STK32B: variants seen among roughly 807,000 people sequenced by gnomAD.
STK32B encodes serine/threonine-protein kinase 32B.
Under a neutral mutation model 52.6 loss-of-function variants are expected in STK32B, and 43 were observed. The observed-to-expected ratio is 0.82, with a 90% CI of 0.64 to 1.05. The LOEUF is 1.05. Among genes scored for constraint, STK32B ranks in the 50% least tolerant of loss-of-function variants. STK32B has a pLI of 0.00. For missense variants in STK32B, 621 were observed against 534.6 expected, an observed-to-expected ratio of 1.16 and a Z score of -1.59; for synonymous variants, 238 against 204.3, an observed-to-expected ratio of 1.17 and a Z score of -1.41.
chr4:5,438,161 C>G, intron 6 of STK32B: 1 of 982,458 alleles, frequency 1.0e-6, no homozygotes, highest in Non-Finnish European at 1.2e-6. Context: ...GTGGGCTGGC[C>G]CAGCATGAAG....
intron 3 of STK32B, among the ~76,000 whole-genome samples, chr4:5,205,634 G>T (rs141828319): frequency 0.025 from 3,769 of 152,222 alleles, 63 homozygotes; most frequent in Middle Eastern, 0.061. Context: ...GGGGTTGAAG[G>T]GGTAGCAGTG....
At chr4:5,333,487 C>G (rs1732414870) in intron 4 of STK32B, among the ~76,000 whole-genome samples, 1 of 152,112 alleles carries the variant, frequency 6.6e-6, no homozygotes, top group Non-Finnish European at 1.5e-5. Context: ...TTAATGAGAT[C>G]CCATTTGTCA....
chr4:5,297,763 C>T (rs1354281109), intron 3 of STK32B, among the ~76,000 whole-genome samples: 1 of 151,870 alleles, frequency 6.6e-6, no homozygotes, highest in Non-Finnish European at 1.5e-5. Context: ...TATTACCCAC[C>T]TTCTGAAGCC....
rs551458866 is a variant in STK32B at position 5,374,076 on chromosome 4, G to T, written c.435-24131G>T. Among the ~76,000 whole-genome samples the T allele has an allele frequency of 3.3e-5, 5 of 152,312 alleles. No homozygotes were observed. In the East Asian group the frequency reaches 9.7e-4, roughly 29 times the overall value. On this transcript the variant is annotated intron_variant, in intron 4 of 11. Transcript: ENST00000282908. ...GAAGAGGAAATGCAGAGGGGAGAAG[G>T]CCATGTGAAATGGAAGCAGGGAAGT...
At chr4:5,069,586 T>G (rs1315604331) in intron 1 of STK32B, among the ~76,000 whole-genome samples, 1 of 152,190 alleles carries the variant, frequency 6.6e-6, no homozygotes, top group African/African-American at 2.4e-5. Flanking sequence ...CCTAGCTGAG[T>G]GATCTGAATA....
At chr4:5,392,341 A>G (rs1162904108) in intron 4 of STK32B, among the ~76,000 whole-genome samples, 1 of 152,140 alleles carries the variant, frequency 6.6e-6, no homozygotes. Context: ...CATGAGAATC[A>G]CTGGAATTCA....
chr4:5,479,745 T>G (rs1718531560), intron 11 of STK32B, among the ~76,000 whole-genome samples: 1 of 152,200 alleles, frequency 6.6e-6, no homozygotes, highest in African/African-American at 2.4e-5. Flanking sequence ...TTTTTCTCTT[T>G]CAATATCCAC....
rs188156632 is a variant in STK32B at position 5,385,160 on chromosome 4, C to T, written c.435-13047C>T. Among the ~76,000 whole-genome samples the T allele has an allele frequency of 1.7e-3, 259 of 152,180 alleles. 1 individual carries two copies. The highest frequency in any genetic ancestry group is 6.0e-3 in the African/African-American group (248 of 41,526). On this transcript the variant is annotated intron_variant, in intron 4 of 11. Transcript: ENST00000282908. Reference sequence around the variant, plus strand: ...AGGAGCAAGGGTGAGGCTTTCCCTCCTGGCCAGAGCTAGAGGGAATGGGGG... The same window carrying T: ...AGGAGCAAGGGTGAGGCTTTCCCTCTTGGCCAGAGCTAGAGGGAATGGGGG...
intron 3 of STK32B, among the ~76,000 whole-genome samples, chr4:5,286,978 A>C (rs1387263581): frequency 3.3e-5 from 5 of 151,870 alleles, no homozygotes; most frequent in African/African-American, 1.2e-4. Flanking sequence ...TTGTATTTTT[A>C]GTAGAGACAG....
In STK32B at chr4:5,059,831, A is replaced by G. The variant is rs192581501; in HGVS notation, c.52+7916A>G. Among the ~76,000 whole-genome samples, 736 of 152,318 alleles carry G rather than the reference A, an allele frequency of 4.8e-3. 2 individuals carry two copies. Among genetic ancestry groups the G allele is most frequent in the African/African-American group, 0.016 (683 of 41,556 alleles). On this transcript the variant is annotated intron_variant, in intron 1 of 11. Coordinates refer to ENST00000282908, the MANE Select transcript of STK32B (RefSeq NM_018401.3). ...ACATTAGAAATAATAATAATACTCT[A>G]CAAACACTATCAGAGAATAGGAAGG...
intron 4 of STK32B, among the ~76,000 whole-genome samples, chr4:5,340,761 A>G (rs1733020547): frequency 2.0e-5 from 3 of 152,224 alleles, no homozygotes; most frequent in Admixed American, 2.0e-4. Flanking sequence ...ATACATATAC[A>G]TACATGTGTT....
intron 3 of STK32B, among the ~76,000 whole-genome samples, chr4:5,283,461 C>G (rs192806929): frequency 2.6e-5 from 4 of 151,926 alleles, no homozygotes; most frequent in Admixed American, 2.0e-4. Context: ...ATCTAAGGAA[C>G]GACAACAAAA....
rs146054525 is a variant in STK32B at position 5,366,731 on chromosome 4, G to T, written c.435-31476G>T. ...AGACATGGGTCAAAATCCTGACCTTGTCTTTGTTGAGCTTGATGCCAGATT... is the reference window on the plus strand; with the variant it reads ...AGACATGGGTCAAAATCCTGACCTTTTCTTTGTTGAGCTTGATGCCAGATT... On this transcript the variant is annotated intron_variant, in intron 4 of 11. Coordinates refer to ENST00000282908, the MANE Select transcript of STK32B (RefSeq NM_018401.3). Among the ~76,000 whole-genome samples, 303 of 152,354 alleles carry T rather than the reference G, an allele frequency of 2.0e-3. 4 individuals are homozygous for T. Among genetic ancestry groups the T allele is most frequent in the African/African-American group, 6.9e-3 (288 of 41,592 alleles).
intron 7 of STK32B, among the ~76,000 whole-genome samples, chr4:5,455,949 T>G (rs1184675423): frequency 3.3e-5 from 5 of 152,208 alleles, no homozygotes; most frequent in African/African-American, 1.2e-4. Context: ...GGGAAACTGT[T>G]GTTTTTGTCA....
intron 1 of STK32B, among the ~76,000 whole-genome samples, chr4:5,121,820 G>A (rs113764215): frequency 6.6e-6 from 1 of 152,176 alleles, no homozygotes; most frequent in Non-Finnish European, 1.5e-5. Flanking sequence ...GCTGTCCCCA[G>A]GGACAGGCCA....
intron 4 of STK32B, among the ~76,000 whole-genome samples, chr4:5,364,298 A>T: frequency 6.6e-6 from 1 of 152,362 alleles, no homozygotes; most frequent in Middle Eastern, 3.4e-3. Context: ...TATTTTAGAA[A>T]TAAAGTTCAG....
intron 3 of STK32B, among the ~76,000 whole-genome samples, chr4:5,325,019 A>G (rs1731778565): frequency 6.6e-6 from 1 of 152,196 alleles, no homozygotes; most frequent in South Asian, 2.1e-4. Context: ...TCCCTGAAGA[A>G]CATTCACCTC....
At chr4:5,082,924 C>A (rs973300698) in intron 1 of STK32B, among the ~76,000 whole-genome samples, 1 of 152,144 alleles carries the variant, frequency 6.6e-6, no homozygotes, top group East Asian at 1.9e-4. Context: ...TTCCAACTTT[C>A]CATTGATTGG....
intron 1 of STK32B, among the ~76,000 whole-genome samples, chr4:5,059,031 G>A (rs1403113575): frequency 2.9e-5 from 4 of 137,722 alleles, no homozygotes; most frequent in Admixed American, 7.9e-5. Flanking sequence ...GATTACAGGC[G>A]TGAGCCACCA....
Sources: gnomAD v4.1 joint callset for allele counts (sites outside exome capture counted in the v4.1 genomes callset) on GRCh38, gnomAD v4.1.1 for gene constraint, MANE v1.5 for transcripts, NCBI Gene and HGNC (gene_info 2026-07-23, HGNC 2026-07-21) for gene names.